NTN1: variants seen among roughly 807,000 people sequenced by gnomAD.
NTN1 encodes netrin-1.
Under a neutral mutation model 54.2 loss-of-function variants are expected in NTN1, and 11 were observed. That is an observed-to-expected ratio of 0.20 (90% confidence interval 0.13 to 0.34). The LOEUF (loss-of-function observed/expected upper bound fraction) is 0.34. Ranked by LOEUF, NTN1 falls within the 10% of genes least tolerant of loss-of-function variation. The pLI is 1.00. For synonymous variants in NTN1, 371 were observed against 382.0 expected, an observed-to-expected ratio of 0.97 and a Z score of 0.33; for missense variants, 740 against 893.1, an observed-to-expected ratio of 0.83 and a Z score of 2.18.
At chr17:9,102,076 A>T (rs4791779) in intron 2 of NTN1, among the ~76,000 whole-genome samples, 1 of 152,288 alleles carries the variant, frequency 6.6e-6, no homozygotes, top group Admixed American at 6.5e-5. Flanking sequence ...AATTAGAGCC[A>T]CAAGGCACTA....
intron 5 of NTN1, among the ~76,000 whole-genome samples, chr17:9,217,036 A>C (rs1267935965): frequency 6.9e-6 from 1 of 145,556 alleles, no homozygotes; most frequent in African/African-American, 2.5e-5. Flanking sequence ...ACAGGGCATG[A>C]CTCCGTCTCA....
intron 2 of NTN1, among the ~76,000 whole-genome samples, chr17:9,098,298 A>C (rs2092138733): frequency 6.6e-6 from 1 of 152,154 alleles, no homozygotes; most frequent in African/African-American, 2.4e-5. Flanking sequence ...TATTGGCCTC[A>C]CCTGGCAGTG....
At chr17:9,126,235 G>A (rs1016626914) in intron 2 of NTN1, among the ~76,000 whole-genome samples, 4 of 152,254 alleles carry the variant, frequency 2.6e-5, no homozygotes, top group Non-Finnish European at 2.9e-5. Context: ...AGGGCTGGGC[G>A]TGATGGCTCA....
the NTN1 span, among the ~76,000 whole-genome samples, chr17:9,007,409 T>A: frequency 4.8e-4 from 73 of 151,118 alleles, 1 homozygote; most frequent in South Asian, 0.015. Flanking sequence ...TCTCTTCTTT[T>A]CTTCTCTCTT....
intron 2 of NTN1, among the ~76,000 whole-genome samples, chr17:9,073,444 A>G (rs2092039221): frequency 6.6e-6 from 1 of 152,224 alleles, no homozygotes; most frequent in Non-Finnish European, 1.5e-5. Context: ...TGCCACCAGA[A>G]TAGCCTGGGA....
chr17:9,064,203 G>A (rs966295882), intron 2 of NTN1, among the ~76,000 whole-genome samples: 6 of 152,204 alleles, frequency 3.9e-5, no homozygotes, highest in South Asian at 2.1e-4. Context: ...TTCATTCATC[G>A]GTCCATGCTC....
At chr17:9,180,044 G>A in intron 4 of NTN1, 88 bp downstream of exon 4, 1 of 1,432,518 alleles carries the variant, frequency 7.0e-7, no homozygotes, top group South Asian at 1.4e-5. Context: ...TGTTCAGTGG[G>A]TTCCTTTTTT....
chr17:9,074,512 C>T (rs991997347), intron 2 of NTN1, among the ~76,000 whole-genome samples: 4 of 152,174 alleles, frequency 2.6e-5, no homozygotes, highest in African/African-American at 9.7e-5. Flanking sequence ...GCTTCAGAGG[C>T]GTGACTGTGA....
At chr17:9,126,340 C>G (rs937513261) in intron 2 of NTN1, among the ~76,000 whole-genome samples, 1 of 152,214 alleles carries the variant, frequency 6.6e-6, no homozygotes, top group Non-Finnish European at 1.5e-5. Flanking sequence ...GAAACCCTGT[C>G]TCTACAAAAA....
intron 4 of NTN1, among the ~76,000 whole-genome samples, chr17:9,182,667 C>T (rs567465861): frequency 3.3e-5 from 5 of 152,240 alleles, no homozygotes; most frequent in South Asian, 4.2e-4. Context: ...TCTGTGTTGC[C>T]GCCTCACTCC....
intron 2 of NTN1, among the ~76,000 whole-genome samples, chr17:9,093,701 C>T (rs182290577): frequency 8.0e-4 from 121 of 152,176 alleles, no homozygotes; most frequent in South Asian, 4.8e-3. Flanking sequence ...TGGCTGGGCG[C>T]GGTGGCTCAC....
At chr17:9,072,252 T>G (rs1489866107) in intron 2 of NTN1, among the ~76,000 whole-genome samples, 3 of 149,606 alleles carry the variant, frequency 2.0e-5, no homozygotes, top group African/African-American at 7.6e-5. Context: ...TTTGCTGTTT[T>G]TTTTTTTTTT....
intron 6 of NTN1, among the ~76,000 whole-genome samples, chr17:9,233,934 C>A (rs1905896200): frequency 6.6e-6 from 1 of 152,184 alleles, no homozygotes; most frequent in African/African-American, 2.4e-5. Context: ...GCCCTCCTTG[C>A]CCAAGGGAAG....
rs369197061 is a variant in NTN1, at chr17:9,188,389, T to C, written c.1411+5420T>C. Among the ~76,000 whole-genome samples, 17 of 142,976 alleles carry C rather than the reference T, an allele frequency of 1.2e-4. 2 individuals carry two copies. In the Middle Eastern group the frequency reaches 0.015, roughly 128 times the overall value. The allele number at this position is 142,976 out of a possible 152,430, so 93.8% of individuals were successfully genotyped here. The stretch of plus-strand genomic sequence containing the variant: ...GTTGCAGTGAGCTGAGATCACACCA[T>C]TGGACTCCAGCCTGGGCAATAAGAG... On this transcript the variant is annotated intron_variant, in intron 5 of 6. Transcript: ENST00000173229.
chr17:9,158,493 A>G (rs1197093885), intron 2 of NTN1, among the ~76,000 whole-genome samples: 1 of 152,196 alleles, frequency 6.6e-6, no homozygotes, highest in African/African-American at 2.4e-5. Context: ...CAGGTGTTCC[A>G]GTTCCTGTGA....
chr17:9,018,072 G>C (rs73973274), upstream of NTN1, among the ~76,000 whole-genome samples: 8,495 of 152,202 alleles, frequency 0.056, 461 homozygotes, highest in African/African-American at 0.15. Context: ...TTAACAGAGA[G>C]GGGGGTTTGG....
chr17:9,190,937 A>G (rs1904437717), intron 5 of NTN1, among the ~76,000 whole-genome samples: 1 of 152,260 alleles, frequency 6.6e-6, no homozygotes, highest in Non-Finnish European at 1.5e-5. Context: ...TCAGTGCAGA[A>G]AAGAATGAAT....
intron 6 of NTN1, among the ~76,000 whole-genome samples, chr17:9,226,784 G>A (rs1597548839): frequency 6.6e-6 from 1 of 152,228 alleles, no homozygotes; most frequent in Non-Finnish European, 1.5e-5. Flanking sequence ...CGGCGAGTGA[G>A]CGTGGGTGTG....
At chr17:9,180,192 T>G (rs1030692893) in intron 4 of NTN1, among the ~76,000 whole-genome samples, 1 of 152,256 alleles carries the variant, frequency 6.6e-6, no homozygotes, top group African/African-American at 2.4e-5. Context: ...GCGCAAGCCT[T>G]CATGCCCCGC....
Sources: allele counts gnomAD v4.1 joint callset (sites outside exome capture counted in the v4.1 genomes callset), GRCh38; gene constraint gnomAD v4.1.1; transcripts MANE v1.5; gene names NCBI Gene and HGNC (gene_info 2026-07-23, HGNC 2026-07-21).